The following FGF10 variants were observed in gnomAD, a reference collection of about 807,000 sequenced individuals.
The protein encoded by FGF10 is FGF-10.
In FGF10, 2 loss-of-function variants were observed where a neutral mutation model predicts 19.8. The ratio of observed to expected loss-of-function variants is 0.10; its 90% confidence interval spans 0.04 to 0.32. FGF10 has a LOEUF of 0.32. Ranked by LOEUF, FGF10 falls within the 10% of genes least tolerant of loss-of-function variation. The pLI, the probability that FGF10 is intolerant of heterozygous loss-of-function variation, is 1.00. For synonymous variants in FGF10, 112 were observed against 94.0 expected (o/e 1.19, Z -1.10); for missense variants, 191 against 246.3 (o/e 0.78, Z 1.50).
At chr5:44,353,734 T>C (rs143399070) in intron 1 of FGF10, among the ~76,000 whole-genome samples, 11 of 151,432 alleles carry the variant, frequency 7.3e-5, no homozygotes, top group African/African-American at 2.7e-4. Flanking sequence ...TGCTTTAAGA[T>C]TAAGTGACCT....
At chr5:44,327,915 C>T (rs565916621) in intron 1 of FGF10, among the ~76,000 whole-genome samples, 1 of 152,310 alleles carries the variant, frequency 6.6e-6, no homozygotes, top group East Asian at 1.9e-4. Context: ...CTAGGATATG[C>T]AGTCTAATTG....
At chr5:44,348,197 C>T (rs887519836) in intron 1 of FGF10, among the ~76,000 whole-genome samples, 2 of 151,572 alleles carry the variant, frequency 1.3e-5, no homozygotes, top group Non-Finnish European at 3.0e-5. Context: ...CTCATATGTT[C>T]TGAAAAGTTG....
At chr5:44,381,511 T>C (rs550100322) in intron 1 of FGF10, among the ~76,000 whole-genome samples, 6 of 150,342 alleles carry the variant, frequency 4.0e-5, no homozygotes, top group East Asian at 3.9e-4. Flanking sequence ...GTGAAAATAA[T>C]GGAGTGAGGA....
chr5:44,377,002 C>T (rs1741881987), intron 1 of FGF10, among the ~76,000 whole-genome samples: 1 of 152,086 alleles, frequency 6.6e-6, no homozygotes, highest in Non-Finnish European at 1.5e-5. Flanking sequence ...CACATGATAC[C>T]ACCTTCTACT....
intron 1 of FGF10, among the ~76,000 whole-genome samples, chr5:44,371,678 C>T (rs1262740014): frequency 6.6e-6 from 1 of 152,194 alleles, no homozygotes. Flanking sequence ...TAGTGCCTAG[C>T]AGTCAAGGTA....
intron 1 of FGF10, among the ~76,000 whole-genome samples, chr5:44,359,587 T>C (rs1741429343): frequency 6.6e-6 from 1 of 151,528 alleles, no homozygotes; most frequent in Admixed American, 6.6e-5. Context: ...TGGGGTAACT[T>C]CAGTAAATTG....
In FGF10 at chr5:44,301,171, A is replaced by G. The variant is rs1181689960; in HGVS notation, c.*3824T>C. ...GGAAAAGTCCTGCTTCATGAAATAAACAAGAACTCTTAATCAATATGGTAT... is the reference window on the plus strand; with the variant it reads ...GGAAAAGTCCTGCTTCATGAAATAAGCAAGAACTCTTAATCAATATGGTAT... On this transcript the variant is annotated 3_prime_UTR_variant, in exon 3 of 3. Transcript: ENST00000264664. Among the ~76,000 whole-genome samples, 1 of 152,076 alleles carries G rather than the reference A, an allele frequency of 6.6e-6. No homozygotes were observed. Among genetic ancestry groups the G allele is most frequent in the Non-Finnish European group, 1.5e-5 (1 of 68,032 alleles).
rs1742172762 is a variant in FGF10, at chr5:44,388,774, G to C, written c.-92C>G. 7.4e-7 allele frequency: 1 copy of C among 1,356,120 alleles called. No homozygotes were observed. Among genetic ancestry groups the C allele is most frequent in the Non-Finnish European group, 1.0e-6 (1 of 959,970 alleles). 84.0% of individuals were successfully genotyped at this position (1,356,120 alleles called of 1,614,324 possible). On this transcript the variant is annotated 5_prime_UTR_variant, in exon 1 of 3. Coordinates refer to ENST00000264664, the MANE Select transcript of FGF10 (RefSeq NM_004465.2). The stretch of plus-strand genomic sequence containing the variant: ...ATGCAAGGCAAGGAGAGAGCTCGAG[G>C]TGGTGGCTGCTGGTTAGCTCCCTCT...
chr5:44,350,294 A>G (rs941987193), intron 1 of FGF10, among the ~76,000 whole-genome samples: 9 of 151,096 alleles, frequency 6.0e-5, no homozygotes, highest in African/African-American at 2.2e-4. Flanking sequence ...GATATGAAAA[A>G]GTATCCATGA....
intron 1 of FGF10, among the ~76,000 whole-genome samples, chr5:44,363,700 T>C (rs1459645133): frequency 6.6e-6 from 1 of 151,908 alleles, no homozygotes; most frequent in African/African-American, 2.4e-5. Flanking sequence ...CTCTTTACAA[T>C]ATGGAAGAAG....
chr5:44,339,100 A>G (rs1347589494), intron 1 of FGF10, among the ~76,000 whole-genome samples: 2 of 152,220 alleles, frequency 1.3e-5, no homozygotes, highest in African/African-American at 4.8e-5. Context: ...AATATGATTT[A>G]AAGAGGGTAT....
In FGF10 at chr5:44,304,057, C is replaced by T. The variant is rs1395753859; in HGVS notation, c.*938G>A. 1 of 152,030 alleles carries T rather than the reference C, an allele frequency of 6.6e-6. No individual in the cohort carries two copies. The highest frequency in any genetic ancestry group is 1.5e-5 in the Non-Finnish European group (1 of 68,010). The allele number at this position is 152,030 out of a possible 1,614,324, so 9.4% of individuals were successfully genotyped here. A position where few individuals can be genotyped will look rare whatever the true frequency, so the allele number is the denominator to read the frequency against. On this transcript the variant is annotated 3_prime_UTR_variant, in exon 3 of 3. Transcript: ENST00000264664. ...CTGGTCTATTTCTTGAGACAGGAAG[C>T]CTCGAGAGTAATATATGTTTTCAAA...
chr5:44,359,572 A>T (rs1279152231), intron 1 of FGF10, among the ~76,000 whole-genome samples: 1 of 151,482 alleles, frequency 6.6e-6, no homozygotes, highest in Non-Finnish European at 1.5e-5. Flanking sequence ...GTGTTAAATT[A>T]TTAGTGGGGT....
chr5:44,351,896 A>G (rs188744443), intron 1 of FGF10, among the ~76,000 whole-genome samples: 2 of 151,750 alleles, frequency 1.3e-5, no homozygotes, highest in East Asian at 3.9e-4. Flanking sequence ...ACTGATTTAT[A>G]TCTTGATTTT....
intron 1 of FGF10, among the ~76,000 whole-genome samples, chr5:44,376,481 T>C (rs1419100700): frequency 2.8e-4 from 5 of 17,980 alleles, no homozygotes; most frequent in African/African-American, 7.8e-4. Flanking sequence ...CAAGTTAGAA[T>C]ACAAATGCCA....
intron 1 of FGF10, among the ~76,000 whole-genome samples, chr5:44,312,086 A>G (rs35780611): frequency 6.6e-6 from 1 of 152,016 alleles, no homozygotes; most frequent in African/African-American, 2.4e-5. Context: ...AAAGAGATAT[A>G]TCTCACTCTA....
At chr5:44,366,544 G>A (rs2111871472) in intron 1 of FGF10, among the ~76,000 whole-genome samples, 1 of 152,092 alleles carries the variant, frequency 6.6e-6, no homozygotes, top group African/African-American at 2.4e-5. Context: ...ATATTTAAGT[G>A]AATTAGTCTG....
chr5:44,346,933 TA>T (rs1279289962), intron 1 of FGF10, among the ~76,000 whole-genome samples: 4 of 151,806 alleles, frequency 2.6e-5, no homozygotes, highest in African/African-American at 9.7e-5. Context: ...CACAGCATCT[TA>T]TTTTGTTTCT....
intron 1 of FGF10, 54 bp downstream of exon 1, chr5:44,388,303 CG>C: frequency 1.3e-6 from 2 of 1,531,364 alleles, no homozygotes; most frequent in Admixed American, 1.7e-5. Context: ...TTTTCCCCCC[CG>C]TGTGGGCTGG....
Sources: gnomAD v4.1 joint callset for allele counts (sites outside exome capture counted in the v4.1 genomes callset) on GRCh38, gnomAD v4.1.1 for gene constraint, MANE v1.5 for transcripts, NCBI Gene and HGNC (gene_info 2026-07-23, HGNC 2026-07-21) for gene names.